Variants in NALCN observed in about 807,000 individuals in gnomAD.
NALCN encodes the protein sodium leak channel, non-selective.
A neutral mutation model predicts 225.3 loss-of-function variants in NALCN; 111 were observed. The observed-to-expected ratio is 0.49, with a 90% CI of 0.42 to 0.58. The LOEUF (loss-of-function observed/expected upper bound fraction) is 0.58. Ranked by LOEUF, NALCN falls within the 20% of genes least tolerant of loss-of-function variation. The pLI, the probability that NALCN is intolerant of heterozygous loss-of-function variation, is 0.00. For missense variants in NALCN, 1,378 were observed against 2,202.4 expected (o/e 0.63, Z 7.49); for synonymous variants, 764 against 769.0 (o/e 0.99, Z 0.11).
chr13:101,281,662 T>C (rs1358382363), intron 10 of NALCN, among the ~76,000 whole-genome samples: 1 of 151,946 alleles, frequency 6.6e-6, no homozygotes, highest in African/African-American at 2.4e-5. Flanking sequence ...CAGAAATAAA[T>C]AACTAACAAT....
At chr13:101,306,146 G>A (rs1177768885) in intron 7 of NALCN, among the ~76,000 whole-genome samples, 6 of 152,178 alleles carry the variant, frequency 3.9e-5, no homozygotes, top group African/African-American at 1.4e-4. Context: ...CCCGAGGCCA[G>A]TTGGTGACCC....
chr13:101,361,677 G>A (rs1307682726), intron 6 of NALCN, among the ~76,000 whole-genome samples: 1 of 152,056 alleles, frequency 6.6e-6, no homozygotes, highest in Non-Finnish European at 1.5e-5. Flanking sequence ...AATATACAGT[G>A]TAAAAATGGA....
intron 6 of NALCN, among the ~76,000 whole-genome samples, chr13:101,355,150 C>T (rs1425546798): frequency 6.6e-6 from 1 of 152,140 alleles, no homozygotes; most frequent in East Asian, 1.9e-4. Context: ...CTTCCTGAGG[C>T]CTCATCAGAA....
At chr13:101,209,042 G>C (rs1043703589) in intron 13 of NALCN, among the ~76,000 whole-genome samples, 1 of 151,954 alleles carries the variant, frequency 6.6e-6, no homozygotes, top group Non-Finnish European at 1.5e-5. Context: ...TTTTCTTGTT[G>C]GTTCTCATCA....
intron 6 of NALCN, among the ~76,000 whole-genome samples, chr13:101,372,313 T>C (rs547511134): frequency 6.6e-6 from 1 of 152,166 alleles, no homozygotes; most frequent in Non-Finnish European, 1.5e-5. Flanking sequence ...CCAAGAAGGA[T>C]AGAAATACCC....
At chr13:101,332,416 A>AAAAAAG (rs1566585402) in intron 7 of NALCN, among the ~76,000 whole-genome samples, 8 of 149,226 alleles carry the variant, frequency 5.4e-5, no homozygotes, top group Admixed American at 1.3e-4. Flanking sequence ...AAAAAAAAAA[A>AAAAAAG]AAAAGGAAAG....
rs114595924 is a variant in NALCN at position 101,382,748 on chromosome 13, T to C, written c.292-4095A>G. Among the ~76,000 whole-genome samples the C allele has an allele frequency of 8.3e-3, 1,258 of 152,282 alleles. 17 individuals are homozygous for C. Among genetic ancestry groups the C allele is most frequent in the African/African-American group, 0.026 (1,099 of 41,542 alleles). ...AACTGGCTTAGCAAAAATTCTACCA[T>C]GTAATGTAGAAAACTTTCTTTTCCA... is the stretch of plus-strand genomic sequence containing the variant. On this transcript the variant is annotated intron_variant, in intron 3 of 43. Transcript: ENST00000251127.
At chr13:101,218,893 A>G (rs1175025476) in intron 13 of NALCN, among the ~76,000 whole-genome samples, 1 of 152,092 alleles carries the variant, frequency 6.6e-6, no homozygotes, top group East Asian at 1.9e-4. Context: ...ACCCAGTCTC[A>G]GATATTTCTT....
intron 13 of NALCN, among the ~76,000 whole-genome samples, chr13:101,229,161 T>C (rs1207948655): frequency 6.6e-6 from 1 of 152,184 alleles, no homozygotes; most frequent in Non-Finnish European, 1.5e-5. Flanking sequence ...CTAACTCTAT[T>C]AGATTATTTC....
intron 10 of NALCN, among the ~76,000 whole-genome samples, chr13:101,275,199 T>C (rs754043716): frequency 1.3e-5 from 2 of 152,160 alleles, no homozygotes; most frequent in African/African-American, 4.8e-5. Flanking sequence ...GTTAGGGCTT[T>C]TGATTGGGAG....
chr13:101,370,446 C>T (rs762463600), intron 6 of NALCN, among the ~76,000 whole-genome samples: 4 of 152,198 alleles, frequency 2.6e-5, no homozygotes, highest in Non-Finnish European at 5.9e-5. Flanking sequence ...GGTTTTAATG[C>T]CCATGTGAGG....
intron 17 of NALCN, among the ~76,000 whole-genome samples, chr13:101,134,619 G>C (rs1269353346): frequency 6.6e-6 from 1 of 152,138 alleles, no homozygotes; most frequent in African/African-American, 2.4e-5. Flanking sequence ...AAATTACAAA[G>C]AGGGACTGCT....
chr13:101,107,580 T>C lies in NALCN; in HGVS notation c.2486A>G (p.Asn829Ser). ...CAGTGGCTTATCGAAGTATGGGTGG[T>C]TCTCTCTGAGTTCCTCTTCTTGCAC... ...RKVQEEELRE[N>S]HPYFDKPLFI... The change falls in exon 22 of 44, where the codon AAC becomes AGC. Residue 829 changes from asparagine (N) to serine (S), a missense_variant. Asn to Ser is a conservative substitution (Grantham distance 46, BLOSUM62 1). This residue lies in a region of NALCN where 292 missense variants were observed against 409.5 expected (regional missense o/e 0.71). Transcript: ENST00000251127. The C allele has an allele frequency of 6.2e-7, 1 of 1,614,096 alleles. No homozygotes were observed. Among genetic ancestry groups the C allele is most frequent in the Non-Finnish European group, 8.5e-7 (1 of 1,179,976 alleles).
At chr13:101,129,467 C>T (rs938826711) in intron 17 of NALCN, among the ~76,000 whole-genome samples, 4 of 152,120 alleles carry the variant, frequency 2.6e-5, no homozygotes, top group Admixed American at 1.3e-4. Flanking sequence ...ATATGACCCT[C>T]GTAGTCTTTG....
Position 101,278,635 on chromosome 13 carries a change from A to C in NALCN, c.1134+5298T>G, listed in dbSNP as rs140690282. 3.5e-3 allele frequency among the ~76,000 whole-genome samples: 540 copies of C among 152,260 alleles called. 3 individuals are homozygous for C. The highest frequency in any genetic ancestry group is 0.012 in the African/African-American group (514 of 41,554). Reference sequence around the variant, plus strand: ...ATTTATCTTATATGCTTACAAGATGAAAAGAGTTCTGAAAGAGGTGAAACA... The same window carrying C: ...ATTTATCTTATATGCTTACAAGATGCAAAGAGTTCTGAAAGAGGTGAAACA... On this transcript the variant is annotated intron_variant, in intron 10 of 43. Transcript: ENST00000251127.
intron 13 of NALCN, among the ~76,000 whole-genome samples, chr13:101,218,976 T>A (rs1403502132): frequency 6.6e-6 from 1 of 152,162 alleles, no homozygotes; most frequent in Non-Finnish European, 1.5e-5. Context: ...TTGTGTCTGT[T>A]CTTTCCCTTT....
Position 101,107,501 on chromosome 13 carries a change from T to G in NALCN, c.2565A>C (p.Arg855=), listed in dbSNP as rs1176694701. The part of the protein sequence containing the change: ...RFRNFCRVVV[R]ARFNASKTDP... ...AGTGTACTTACGCGTTGAAGCGTGC[T>G]CGGACCACCACCCGGCAAAAGTTTC... The change falls in exon 22 of 44, where the codon CGA becomes CGC. Residue 855 remains arginine (R), a synonymous_variant. Coordinates refer to ENST00000251127, the MANE Select transcript of NALCN (RefSeq NM_052867.4). 6.2e-7 allele frequency: 1 copy of G among 1,613,998 alleles called. No homozygotes were observed. Among genetic ancestry groups the G allele is most frequent in the Non-Finnish European group, 8.5e-7 (1 of 1,179,986 alleles).
chr13:101,065,043 C>A (rs1427348606), intron 40 of NALCN, among the ~76,000 whole-genome samples: 1 of 152,166 alleles, frequency 6.6e-6, no homozygotes, highest in Non-Finnish European at 1.5e-5. Context: ...GCCCTGTAAC[C>A]GCAAGCAAGT....
chr13:101,304,109 G>A (rs1430014863), intron 7 of NALCN, among the ~76,000 whole-genome samples: 1 of 152,108 alleles, frequency 6.6e-6, no homozygotes, highest in Non-Finnish European at 1.5e-5. Context: ...TCACTTTGCA[G>A]CCAGGTGTTT....
Sources: allele counts gnomAD v4.1 joint callset (sites outside exome capture counted in the v4.1 genomes callset), GRCh38; gene constraint gnomAD v4.1.1; regional missense constraint gnomAD v4.1.1; transcripts MANE v1.5; gene names NCBI Gene and HGNC (gene_info 2026-07-23, HGNC 2026-07-21).